CRELD1: variants seen among roughly 807,000 people sequenced by gnomAD.
The protein encoded by CRELD1 is CRELD disulfide isomerase 1, also known as protein disulfide isomerase CRELD1.
A neutral mutation model predicts 58.2 loss-of-function variants in CRELD1; 42 were observed. The observed-to-expected ratio is 0.72, with a 90% confidence interval of 0.56 to 0.93. The LOEUF (loss-of-function observed/expected upper bound fraction) is 0.93. Among genes scored for constraint, CRELD1 ranks in the 40% least tolerant of loss-of-function variants. The probability of loss-of-function intolerance (pLI) is 0.00; values close to 1 mark genes in which losing one functional copy is unlikely to be tolerated. For synonymous variants in CRELD1, 222 were observed against 202.0 expected, an observed-to-expected ratio of 1.10 and a Z score of -0.84; for missense variants, 500 against 540.6, an observed-to-expected ratio of 0.92 and a Z score of 0.74.
intron 3 of CRELD1, among the ~76,000 whole-genome samples, chr3:9,937,090 G>A (rs1029001658): frequency 6.6e-6 from 1 of 152,160 alleles, no homozygotes; most frequent in African/African-American, 2.4e-5. Context: ...GGAATTGGCA[G>A]GTCCTATGGC....
chr3:9,939,138 TAAAAATAAATAAATAA>T (rs1490927994), intron 5 of CRELD1, among the ~76,000 whole-genome samples: 6 of 128,954 alleles, frequency 4.7e-5, no homozygotes, highest in Non-Finnish European at 1.0e-4. Flanking sequence ...ACCCTGTCAC[TAAAAATAAATAAATAA>T]ATAAATAAAT....
intron 3 of CRELD1, 39 bp from the exon 4 acceptor site, chr3:9,937,523 T>C: frequency 7.4e-7 from 1 of 1,346,846 alleles, no homozygotes; most frequent in Non-Finnish European, 1.1e-6. Context: ...GTGGGTGGGG[T>C]GGGGCATGTT....
At chr3:9,937,217 T>C (rs1358994120) in intron 3 of CRELD1, among the ~76,000 whole-genome samples, 1 of 152,222 alleles carries the variant, frequency 6.6e-6, no homozygotes, top group Admixed American at 6.5e-5. Context: ...ACACTTGTTA[T>C]AGGATGTATT....
chr3:9,939,582 G>A (rs1046048872), intron 5 of CRELD1, among the ~76,000 whole-genome samples: 6 of 152,158 alleles, frequency 3.9e-5, no homozygotes, highest in Admixed American at 1.3e-4. Context: ...AGCACATCTT[G>A]CACCGCCCTT....
rs1216840566 is a variant in CRELD1, at chr3:9,943,110, C to G, written c.851C>G (p.Ala284Gly). 6.2e-7 allele frequency: 1 copy of G among 1,613,864 alleles called. No individual in the cohort carries two copies. The highest frequency in any genetic ancestry group is 1.1e-5 in the South Asian group (1 of 91,080). Reference protein sequence around the residue: ...CAKACLGCMGAGPGRCKKCSP... With the variant: ...CAKACLGCMGGGPGRCKKCSP... ...AAGGCCTGCCTAGGCTGCATGGGGG[C>G]AGGGCCAGGTCGCTGTAAGAAGTGT... The change falls in exon 9 of 11, where the codon GCA (alanine) becomes GGA (glycine). Residue 284 changes from alanine (A) to glycine (G), a missense_variant. By Grantham distance (60) the Ala-to-Gly change is moderately conservative. Transcript: ENST00000452070.
chr3:9,940,777 G>A, intron 5 of CRELD1, 73 bp from the exon 6 acceptor site: 1 of 1,335,300 alleles, frequency 7.5e-7, no homozygotes, highest in South Asian at 1.2e-5. Flanking sequence ...GAGGGAGAGG[G>A]AGAGGGAGAA....
Position 9,944,671 on chromosome 3 carries a change from AT to A in CRELD1, c.*97del. 2 of 1,266,304 alleles carry A rather than the reference AT, an allele frequency of 1.6e-6. No homozygotes were observed. The highest frequency in any genetic ancestry group is 2.2e-6 in the Non-Finnish European group (2 of 901,162). 78.4% of individuals were successfully genotyped at this position (1,266,304 alleles called of 1,614,324 possible). On this transcript the variant is annotated 3_prime_UTR_variant, in exon 11 of 11. Transcript: ENST00000452070. ...CTGGACACTCAGGACAGCTTGGTTT[AT>A]TTTTGAGAGTGGGGTAAGCACCCCT...
chr3:9,943,219 C>T (rs2085418649), intron 9 of CRELD1, 47 bp downstream of exon 9: 1 of 1,591,342 alleles, frequency 6.3e-7, no homozygotes, highest in Non-Finnish European at 8.6e-7. Context: ...GTGCCTCACC[C>T]AGCATGAATG....
In CRELD1 at chr3:9,944,413, T is replaced by A. The variant is rs1159813911; in HGVS notation, c.1097T>A (p.Leu366Gln). 6.2e-7 allele frequency: 1 copy of A among 1,614,010 alleles called. No homozygotes were observed. The highest frequency in any genetic ancestry group is 8.5e-7 in the Non-Finnish European group (1 of 1,180,040). Residue 366 changes from leucine (L) to glutamine (Q), a missense_variant, in exon 11 of 11, where the codon CTG (leucine) becomes CAG (glutamine). Physicochemically the swap from Leu to Gln is moderately radical, Grantham distance 113. Transcript: ENST00000452070. ...ATGACAGAAGACGAGTTGGTGGTGC[T>A]GCAGCAGATGTTCTTTGGCATCATC... ...SEMTEDELVV[L>Q]QQMFFGIIIC...
At chr3:9,934,132 A>G (rs1488951097) in intron 1 of CRELD1, 1 of 459,836 alleles carries the variant, frequency 2.2e-6, no homozygotes, top group Non-Finnish European at 4.0e-6. Context: ...GGCCCCTAAT[A>G]TTCTTTATCA....
chr3:9,943,983 T>C (rs2085446639), intron 10 of CRELD1: 1 of 1,064,050 alleles, frequency 9.4e-7, no homozygotes, highest in Non-Finnish European at 1.5e-6. Flanking sequence ...TCTACATATG[T>C]AAAAATGAAG....
At chr3:9,943,859 G>A in intron 10 of CRELD1, 1 of 1,613,974 alleles carries the variant, frequency 6.2e-7, no homozygotes, top group Non-Finnish European at 8.5e-7. Flanking sequence ...GATGATGGCA[G>A]GGACCATTTC....
intron 1 of CRELD1, 54 bp from the exon 2 acceptor site, chr3:9,934,366 C>T (rs2085100106): frequency 7.1e-7 from 1 of 1,404,328 alleles, no homozygotes; most frequent in East Asian, 2.3e-5. Flanking sequence ...CTTTTTCTTT[C>T]TCGCGTGGGG....
In CRELD1 at chr3:9,943,531, G is replaced by C; in HGVS notation, c.1048+16G>C. 1.2e-6 allele frequency: 2 copies of C among 1,613,982 alleles called. No individual in the cohort carries two copies. The highest frequency in any genetic ancestry group is 1.7e-6 in the Non-Finnish European group (2 of 1,179,974). On this transcript the variant is annotated intron_variant, in intron 10 of 10. Coordinates refer to ENST00000452070, the MANE Select transcript of CRELD1 (RefSeq NM_001077415.3). ...CAGATCCCAGGTGAGCCCTGGGGCG[G>C]GAGAGGGGAGGTCCTCATTCAAAGA...
In CRELD1 at chr3:9,942,802, C is replaced by T. The variant is rs1301746416; in HGVS notation, c.734-11C>T. ...GGGATTGAAATTCTCACCCTGCTCA[C>T]CTCTCTGCAGACATTGATGAGTGTG... On this transcript the variant is annotated splice_polypyrimidine_tract_variant and intron_variant, in intron 7 of 10. Coordinates refer to ENST00000452070, the MANE Select transcript of CRELD1 (RefSeq NM_001077415.3). 6.2e-7 allele frequency: 1 copy of T among 1,611,484 alleles called. No homozygotes were observed. Among genetic ancestry groups the T allele is most frequent in the Admixed American group, 1.7e-5 (1 of 60,012 alleles).
rs1559337810 is a variant in CRELD1 at position 9,941,225 on chromosome 3, A to G, written c.733+19A>G. The G allele has an allele frequency of 6.2e-7, 1 of 1,604,474 alleles. No individual in the cohort carries two copies. The highest frequency in any genetic ancestry group is 2.2e-5 in the East Asian group (1 of 44,700). On this transcript the variant is annotated intron_variant, in intron 7 of 10. Coordinates refer to ENST00000452070, the MANE Select transcript of CRELD1 (RefSeq NM_001077415.3). ...TGTGTAGGTAAGTGGGGCCCTAGCTAGGTCTGGGAAGATGGTCAGGGGCCT... is the reference window on the plus strand; with the variant it reads ...TGTGTAGGTAAGTGGGGCCCTAGCTGGGTCTGGGAAGATGGTCAGGGGCCT...
At position 9,934,570 on chromosome 3, in the gene CRELD1, T is replaced by A. The variant is rs2085111057; in HGVS notation, c.132T>A (p.His44Gln). 2.5e-6 allele frequency: 4 copies of A among 1,614,064 alleles called. No individual in the cohort carries two copies. Among genetic ancestry groups the A allele is most frequent in the Non-Finnish European group, 3.4e-6 (4 of 1,179,974 alleles). The stretch of plus-strand genomic sequence containing the variant: ...AGTCTTCTCCCCCGCCTCAGCCCCA[T>A]CCGTGTCATACCTGCCGGGGACTGG... ...PPQSSPPPQP[H>Q]PCHTCRGLVD... Residue 44 changes from histidine to glutamine, a missense_variant, in exon 2 of 11, where the codon CAT (histidine) becomes CAA (glutamine). Physicochemically the swap from His to Gln is conservative, Grantham distance 24. Coordinates refer to ENST00000452070, the MANE Select transcript of CRELD1 (RefSeq NM_001077415.3).
At chr3:9,943,734 A>C (rs1165975325) in intron 10 of CRELD1, 6 of 985,280 alleles carry the variant, frequency 6.1e-6, no homozygotes, top group Non-Finnish European at 7.2e-6. Flanking sequence ...CTGGCATCAA[A>C]TCAGTCTGCC....
At chr3:9,938,987 C>T (rs940933253) in intron 5 of CRELD1, among the ~76,000 whole-genome samples, 2 of 151,678 alleles carry the variant, frequency 1.3e-5, no homozygotes, top group Non-Finnish European at 2.9e-5. Context: ...AGAGCAAGAC[C>T]CTGTCTCTTA....
Sources: gnomAD v4.1 joint callset for allele counts (sites outside exome capture counted in the v4.1 genomes callset) on GRCh38, gnomAD v4.1.1 for gene constraint, MANE v1.5 for transcripts, NCBI Gene and HGNC (gene_info 2026-07-23, HGNC 2026-07-21) for gene names.